The following MPPED1 variants were observed in gnomAD, a reference collection of about 807,000 sequenced individuals.
MPPED1 encodes metallophosphoesterase domain-containing protein 1.
Under a neutral mutation model 36.2 loss-of-function variants are expected in MPPED1, and 16 were observed. The ratio of observed to expected loss-of-function variants is 0.44; its 90% confidence interval spans 0.30 to 0.67. The LOEUF is 0.67. MPPED1 is among the 30% of genes least tolerant of loss of function. The probability of loss-of-function intolerance (pLI) is 0.10; values close to 1 mark genes in which losing one functional copy is unlikely to be tolerated. For synonymous variants in MPPED1, 199 were observed against 191.3 expected (o/e 1.04, Z -0.33); for missense variants, 307 against 453.4 (o/e 0.68, Z 2.93).
At chr22:43,426,393 G>C (rs946847534) in intron 2 of MPPED1, among the ~76,000 whole-genome samples, 1 of 152,138 alleles carries the variant, frequency 6.6e-6, no homozygotes, top group Non-Finnish European at 1.5e-5. Flanking sequence ...CACAGGGAGG[G>C]GGGAGCTATG....
intron 3 of MPPED1, among the ~76,000 whole-genome samples, chr22:43,442,882 A>G (rs1413276899): frequency 5.3e-5 from 8 of 151,776 alleles, no homozygotes; most frequent in African/African-American, 1.2e-4. Flanking sequence ...GGGTTAGTAG[A>G]TCTCTCGCCT....
intron 3 of MPPED1, among the ~76,000 whole-genome samples, chr22:43,435,978 T>A (rs1309415429): frequency 2.0e-5 from 3 of 152,200 alleles, no homozygotes; most frequent in Non-Finnish European, 4.4e-5. Context: ...AGTCACCCAC[T>A]GCCATGGAGA....
rs1928919205 is a variant in MPPED1 at position 43,412,058 on chromosome 22, G to C, written c.-179G>C. Reference sequence around the variant, plus strand: ...CGGCGAGGCGGCCGCCGCCGGAGGAGCCCCCGCCCCTGCGCGCCTCCCTCC... The same window carrying C: ...CGGCGAGGCGGCCGCCGCCGGAGGACCCCCCGCCCCTGCGCGCCTCCCTCC... On this transcript the variant is annotated 5_prime_UTR_variant, in exon 1 of 7. Transcript: ENST00000443721. The C allele has an allele frequency of 1.0e-6, 1 of 979,328 alleles. No homozygotes were observed. Among genetic ancestry groups the C allele is most frequent in the East Asian group, 1.2e-4 (1 of 8,640 alleles). The allele number at this position is 979,328 out of a possible 1,614,324, so 60.7% of individuals were successfully genotyped here.
chr22:43,500,333 G>GGT (rs1313187267), intron 5 of MPPED1, among the ~76,000 whole-genome samples: 7 of 144,656 alleles, frequency 4.8e-5, no homozygotes, highest in Non-Finnish European at 6.1e-5. Flanking sequence ...TGGTGGTGGT[G>GGT]GAGGTGGTGG....
intron 1 of MPPED1, chr22:43,417,832 G>A (rs1929128059): frequency 2.9e-6 from 1 of 338,996 alleles, no homozygotes; most frequent in Non-Finnish European, 5.8e-6. Context: ...AGAGGCTGGG[G>A]CTATTCAGTC....
At chr22:43,464,367 T>C (rs1288378228) in intron 3 of MPPED1, among the ~76,000 whole-genome samples, 1 of 151,436 alleles carries the variant, frequency 6.6e-6, no homozygotes, top group Non-Finnish European at 1.5e-5. Flanking sequence ...CATGGGGCCC[T>C]GGCCATGTCT....
Position 43,441,541 on chromosome 22 carries a change from A to C in MPPED1, c.406+6326A>C, listed in dbSNP as rs541639579. Among the ~76,000 whole-genome samples, 6 of 152,316 alleles carry C rather than the reference A, an allele frequency of 3.9e-5. No individual in the cohort carries two copies. In the East Asian group the frequency reaches 1.2e-3, roughly 29 times the overall value. On this transcript the variant is annotated intron_variant, in intron 3 of 6. Transcript: ENST00000443721. ...TTTGTTGTAAAAGCGTGGTCTGTAA[A>C]GCACATGATGGGCCCATTAATTAAG...
chr22:43,493,082 C>T (rs996606686), intron 4 of MPPED1, among the ~76,000 whole-genome samples: 9 of 152,176 alleles, frequency 5.9e-5, no homozygotes, highest in African/African-American at 2.2e-4. Flanking sequence ...CCAGTGTGGC[C>T]ACCCATCCTC....
At chr22:43,432,582 AGGG>A (rs1929758441) in intron 2 of MPPED1, among the ~76,000 whole-genome samples, 3 of 62,984 alleles carry the variant, frequency 4.8e-5, no homozygotes, top group East Asian at 6.1e-4. Context: ...GAGGAGAGAG[AGGG>A]AAAGAGGGAG....
chr22:43,490,232 T>G (rs1311371449), intron 4 of MPPED1, among the ~76,000 whole-genome samples: 2 of 152,336 alleles, frequency 1.3e-5, no homozygotes, highest in Admixed American at 1.3e-4. Flanking sequence ...CATTTGGAGA[T>G]GTTCTCATGG....
At chr22:43,423,145 A>G (rs762395155) in intron 1 of MPPED1, among the ~76,000 whole-genome samples, 5 of 152,230 alleles carry the variant, frequency 3.3e-5, no homozygotes, top group South Asian at 2.1e-4. Flanking sequence ...CCTCAAATCC[A>G]TCTTCTAGAA....
rs135033 is a variant in MPPED1, at chr22:43,460,206, A to AAAAAAC, written c.407-14484_407-14479dup. 1.9e-3 allele frequency among the ~76,000 whole-genome samples: 250 copies of AAAAAAC among 128,994 alleles called. 5 individuals are homozygous for AAAAAAC. The highest frequency in any genetic ancestry group is 3.9e-3 in the South Asian group (14 of 3,618). 84.6% of individuals were successfully genotyped at this position (128,994 alleles called of 152,430 possible). A position where few individuals can be genotyped will look rare whatever the true frequency, so the allele number is the denominator to read the frequency against. On this transcript the variant is annotated intron_variant, in intron 3 of 6. Coordinates refer to ENST00000443721, the MANE Select transcript of MPPED1 (RefSeq NM_001044370.2). ...TGGCGACAGAGTGAGACTCCATCTC[A>AAAAAAC]AAAAACAAAAACAAAAACAAAAACA...
At chr22:43,421,468 T>G (rs1043649726) in intron 1 of MPPED1, among the ~76,000 whole-genome samples, 2 of 152,258 alleles carry the variant, frequency 1.3e-5, no homozygotes, top group African/African-American at 4.8e-5. Flanking sequence ...GCTGTCTGCA[T>G]GCTAGCGCCT....
intron 4 of MPPED1, among the ~76,000 whole-genome samples, chr22:43,479,003 C>T (rs1236890988): frequency 6.6e-6 from 1 of 152,188 alleles, no homozygotes; most frequent in African/African-American, 2.4e-5. Context: ...GCCCCTAAAA[C>T]TGTATTCACG....
rs775152076 is a variant in MPPED1 at position 43,474,936 on chromosome 22, G to C, written c.607G>C (p.Gly203Arg). ...YLQDSEVTVRGFRIYGSPWQP... is the reference protein window; with the variant it reads ...YLQDSEVTVRRFRIYGSPWQP... ...TCAGGACTCGGAGGTCACCGTGCGG[G>C]GCTTCCGGATCTATGGCTCCCCATG... The change falls in exon 4 of 7, where the codon GGC becomes CGC. Residue 203 changes from glycine to arginine, a missense_variant. Gly to Arg is a moderately radical substitution (Grantham distance 125). Transcript: ENST00000443721. The surrounding 1 kb of genome is among the most constrained non-coding windows in gnomAD (Gnocchi z 5.2). 6.2e-7 allele frequency: 1 copy of C among 1,613,952 alleles called. No individual in the cohort carries two copies. The highest frequency in any genetic ancestry group is 8.5e-7 in the Non-Finnish European group (1 of 1,179,888).
rs369206076 is a variant in MPPED1 at position 43,423,761 on chromosome 22, C to T, written c.-78-1147C>T. On this transcript the variant is annotated intron_variant, in intron 1 of 6. Transcript: ENST00000443721. ...GATTTTTCTTCATTTAATGTGATTGCGATATGAGTGTCCAGGAATAGTTTA... is the reference window on the plus strand; with the variant it reads ...GATTTTTCTTCATTTAATGTGATTGTGATATGAGTGTCCAGGAATAGTTTA... Among the ~76,000 whole-genome samples, 9 of 152,196 alleles carry T rather than the reference C, an allele frequency of 5.9e-5. No individual in the cohort carries two copies. In the East Asian group the frequency reaches 1.5e-3, roughly 26 times the overall value.
chr22:43,478,442 C>A (rs963111702), intron 4 of MPPED1, among the ~76,000 whole-genome samples: 2 of 152,152 alleles, frequency 1.3e-5, no homozygotes, highest in Non-Finnish European at 2.9e-5. Flanking sequence ...GGGAGACAGT[C>A]AACAACCAAT....
chr22:43,479,639 C>A (rs150886110), intron 4 of MPPED1, among the ~76,000 whole-genome samples: 1 of 152,222 alleles, frequency 6.6e-6, no homozygotes, highest in African/African-American at 2.4e-5. Context: ...CTTTACAGGG[C>A]CACAGTTCCT....
intron 3 of MPPED1, among the ~76,000 whole-genome samples, chr22:43,441,491 C>T (rs1210083514): frequency 6.6e-6 from 1 of 152,182 alleles, no homozygotes; most frequent in East Asian, 1.9e-4. Flanking sequence ...CCCAGCCCAG[C>T]CTGGTGCCGA....
Sources: gnomAD v4.1 joint callset for allele counts (sites outside exome capture counted in the v4.1 genomes callset) on GRCh38, gnomAD v4.1.1 for gene constraint, Gnocchi (gnomAD v3.1) non-coding constraint, MANE v1.5 for transcripts, NCBI Gene and HGNC (gene_info 2026-07-23, HGNC 2026-07-21) for gene names.